Variants in LIN52 observed in about 807,000 individuals in gnomAD.
The protein encoded by LIN52 is protein lin-52 homolog.
In LIN52, 4 loss-of-function variants were observed where a neutral mutation model predicts 18.5. The ratio of observed to expected loss-of-function variants is 0.22; its 90% CI spans 0.11 to 0.49. LIN52 has a LOEUF of 0.49. LIN52 is among the 20% of genes least tolerant of loss of function. The probability of loss-of-function intolerance (pLI) is 0.97; values close to 1 mark genes in which losing one functional copy is unlikely to be tolerated. For synonymous variants in LIN52, 34 were observed against 45.5 expected (o/e 0.75, Z 1.02); for missense variants, 102 against 139.5 (o/e 0.73, Z 1.35).
At chr14:74,149,847 A>C (rs1187363197) in intron 5 of LIN52, among the ~76,000 whole-genome samples, 1 of 152,188 alleles carries the variant, frequency 6.6e-6, no homozygotes, top group Non-Finnish European at 1.5e-5. Context: ...TTCTGTTTGC[A>C]AAATAGTCTT....
intron 5 of LIN52, among the ~76,000 whole-genome samples, chr14:74,191,091 A>G (rs951211071): frequency 6.6e-6 from 1 of 152,254 alleles, no homozygotes; most frequent in South Asian, 2.1e-4. Flanking sequence ...TCAGTCTGGC[A>G]GACTGCCCTG....
chr14:74,170,889 G>A (rs964248487), intron 5 of LIN52, among the ~76,000 whole-genome samples: 36 of 149,388 alleles, frequency 2.4e-4, no homozygotes, highest in Non-Finnish European at 3.7e-4. Flanking sequence ...AAATTTTTAA[G>A]ACATAAATGA....
At chr14:74,142,815 ATAACATCC>A (rs1021508785) in intron 5 of LIN52, among the ~76,000 whole-genome samples, 3 of 145,228 alleles carry the variant, frequency 2.1e-5, no homozygotes, top group Admixed American at 2.0e-4. Context: ...CAAGCCTAAC[ATAACATCC>A]TTACGTCCCA....
intron 1 of LIN52, among the ~76,000 whole-genome samples, chr14:74,086,647 C>T (rs1224341164): frequency 6.6e-6 from 1 of 151,152 alleles, no homozygotes; most frequent in African/African-American, 2.4e-5. Context: ...AAAGCGAGAC[C>T]CCGTCTCAGA....
At chr14:74,130,011 C>T (rs2061051617) in intron 5 of LIN52, among the ~76,000 whole-genome samples, 5 of 152,058 alleles carry the variant, frequency 3.3e-5, no homozygotes, top group Non-Finnish European at 7.4e-5. Flanking sequence ...AAAAAGAGAG[C>T]TTGGGCAGGG....
intron 5 of LIN52, among the ~76,000 whole-genome samples, chr14:74,119,623 T>A (rs1019743902): frequency 6.6e-6 from 1 of 152,198 alleles, no homozygotes; most frequent in Non-Finnish European, 1.5e-5. Flanking sequence ...TTGCTCCAAG[T>A]CCTTACCAAC....
At chr14:74,085,325 A>C (rs2060718860) in intron 1 of LIN52, 3 of 255,586 alleles carry the variant, frequency 1.2e-5, no homozygotes, top group African/African-American at 2.2e-5. Flanking sequence ...TTTCTGGAGG[A>C]CGTGGCTTAC....
chr14:74,099,300 G>A (rs1426679552), intron 4 of LIN52, among the ~76,000 whole-genome samples: 2 of 152,022 alleles, frequency 1.3e-5, no homozygotes, highest in Non-Finnish European at 2.9e-5. Flanking sequence ...ACCTTTATTT[G>A]ATTTTAGAAG....
chr14:74,155,313 G>A (rs189618571), intron 5 of LIN52, among the ~76,000 whole-genome samples: 34 of 152,324 alleles, frequency 2.2e-4, no homozygotes, highest in African/African-American at 8.2e-4. Context: ...GATAAACCTT[G>A]CTAGCTGTTT....
intron 5 of LIN52, among the ~76,000 whole-genome samples, chr14:74,109,163 A>T (rs1320474626): frequency 6.6e-6 from 1 of 152,092 alleles, no homozygotes; most frequent in African/African-American, 2.4e-5. Context: ...TCCTTTTTCT[A>T]TTGAATTGTC....
chr14:74,114,373 G>A (rs1195259091), intron 5 of LIN52: 1 of 985,400 alleles, frequency 1.0e-6, no homozygotes, highest in Non-Finnish European at 1.2e-6. Context: ...GAGGCAGGAA[G>A]TTACAGTGGG....
chr14:74,121,076 A>C (rs1489736361), intron 5 of LIN52, among the ~76,000 whole-genome samples: 7 of 151,954 alleles, frequency 4.6e-5, no homozygotes, highest in Admixed American at 2.6e-4. Context: ...AAACTATTCC[A>C]AAAAAAACCA....
intron 4 of LIN52, among the ~76,000 whole-genome samples, chr14:74,098,489 C>G (rs2060830339): frequency 6.6e-6 from 1 of 150,430 alleles, no homozygotes; most frequent in Non-Finnish European, 1.5e-5. Context: ...GCACTCCAGC[C>G]TGGCTGACAG....
rs114095829 is a variant in LIN52 at position 74,140,625 on chromosome 14, C to T, written c.283+39387C>T. Among the ~76,000 whole-genome samples the T allele has an allele frequency of 7.0e-3, 1,072 of 152,268 alleles. 15 individuals carry two copies. The highest frequency in any genetic ancestry group is 0.024 in the African/African-American group (1,014 of 41,542). ...TCAGAGGGGTGGTGACTGTCCGTCA[C>T]GAAAAGGGAAATCTGGGCCAGAGGT... On this transcript the variant is annotated intron_variant, in intron 5 of 5. Coordinates refer to ENST00000555028, the MANE Select transcript of LIN52 (RefSeq NM_001024674.3).
chr14:74,184,222 A>C (rs2061331575), intron 5 of LIN52, among the ~76,000 whole-genome samples: 1 of 152,196 alleles, frequency 6.6e-6, no homozygotes. Flanking sequence ...CTGGGACCAC[A>C]GGCACATGCC....
chr14:74,140,919 G>A (rs1371101170), intron 5 of LIN52, among the ~76,000 whole-genome samples: 1 of 152,062 alleles, frequency 6.6e-6, no homozygotes, highest in Admixed American at 6.6e-5. Flanking sequence ...TTGTAATACC[G>A]TTGTGTGCGT....
chr14:74,141,136 A>T (rs2061128367), intron 5 of LIN52, among the ~76,000 whole-genome samples: 2 of 152,224 alleles, frequency 1.3e-5, no homozygotes. Context: ...AAATAATACA[A>T]GCTCTTGATT....
chr14:74,134,146 C>G (rs8003130), intron 5 of LIN52, among the ~76,000 whole-genome samples: 20,953 of 152,140 alleles, frequency 0.14, 2,033 homozygotes, highest in East Asian at 0.58. Context: ...GTAAATTTCC[C>G]CAACTTTTTC....
At chr14:74,193,247 C>A (rs374988533) in intron 5 of LIN52, among the ~76,000 whole-genome samples, 95 of 139,452 alleles carry the variant, frequency 6.8e-4, no homozygotes, top group Admixed American at 8.0e-4. Flanking sequence ...CCTGTCTCCA[C>A]AAAAAAAAAA....
Sources: gnomAD v4.1 joint callset for allele counts (sites outside exome capture counted in the v4.1 genomes callset) on GRCh38, gnomAD v4.1.1 for gene constraint, MANE v1.5 for transcripts, NCBI Gene and HGNC (gene_info 2026-07-23, HGNC 2026-07-21) for gene names.